The following RUFY2 variants were observed in gnomAD, a reference collection of about 807,000 sequenced individuals.
RUFY2 encodes the protein RUN and FYVE domain-containing protein 2.
In RUFY2, 49 loss-of-function variants were observed where a neutral mutation model predicts 94.4. The observed-to-expected ratio is 0.52, with a 90% CI of 0.41 to 0.66. RUFY2 has a LOEUF of 0.66. Ranked by LOEUF, RUFY2 falls within the 30% of genes least tolerant of loss-of-function variation. The pLI is 0.00. For synonymous variants in RUFY2, 255 were observed against 235.7 expected (o/e 1.08, Z -0.75); for missense variants, 541 against 692.8 (o/e 0.78, Z 2.46).
At chr10:68,360,381 A>T (rs1055519825) in intron 15 of RUFY2, among the ~76,000 whole-genome samples, 2 of 152,082 alleles carry the variant, frequency 1.3e-5, no homozygotes, top group Admixed American at 6.6e-5. Context: ...GGACTCCTTG[A>T]GGCCAGGAGT....
chr10:68,342,801 T>C (rs563399527), downstream of RUFY2: 2 of 152,734 alleles, frequency 1.3e-5, no homozygotes, highest in African/African-American at 4.8e-5. Context: ...GTTAAGGTTC[T>C]CAGTGACACA....
chr10:68,366,509 G>A (rs1027706416), intron 13 of RUFY2, among the ~76,000 whole-genome samples: 4 of 151,028 alleles, frequency 2.6e-5, no homozygotes, highest in East Asian at 1.9e-4. Context: ...TTGGGAGGCC[G>A]AGGCAGGTGG....
intron 16 of RUFY2, among the ~76,000 whole-genome samples, chr10:68,353,375 G>A (rs2046830004): frequency 2.0e-5 from 3 of 150,378 alleles, no homozygotes; most frequent in Admixed American, 6.7e-5. Flanking sequence ...GCAGGTGCCT[G>A]TAATTTCAGC....
intron 13 of RUFY2, among the ~76,000 whole-genome samples, chr10:68,368,425 C>T (rs1015767663): frequency 4.0e-5 from 6 of 151,486 alleles, no homozygotes; most frequent in African/African-American, 1.2e-4. Flanking sequence ...TTTGGGAGGC[C>T]GAGATAGGCG....
chr10:68,389,321 G>A lies in RUFY2; in HGVS notation c.651-3193C>T, dbSNP rs999575843. Among the ~76,000 whole-genome samples, 7 of 152,172 alleles carry A rather than the reference G, an allele frequency of 4.6e-5. No homozygotes were observed. In the East Asian group the frequency reaches 7.7e-4, roughly 17 times the overall value. ...AAGTCTTTTGAACTGGGCCGGCCAC[G>A]GTGGCTCACGCCTGTAATCCCAGCA... On this transcript the variant is annotated intron_variant, in intron 7 of 17. Transcript: ENST00000602465.
Position 68,350,954 on chromosome 10 carries a change from GC to G in RUFY2, c.1599+4398del, listed in dbSNP as rs528049289. On this transcript the variant is annotated intron_variant, in intron 16 of 17. Coordinates refer to ENST00000602465, the MANE Select transcript of RUFY2 (RefSeq NM_001330103.2). ...TCGAACTCCCGACCTCAGGTGATCT[GC>G]CCACCTCGGCCTCCTAAAGTGCTGG... Among the ~76,000 whole-genome samples, 169 of 151,812 alleles carry G rather than the reference GC, an allele frequency of 1.1e-3. 1 individual carries two copies. The highest frequency in any genetic ancestry group is 4.0e-3 in the African/African-American group (164 of 41,402).
intron 3 of RUFY2, 54 bp downstream of exon 3, chr10:68,401,566 G>T: frequency 9.1e-7 from 1 of 1,092,946 alleles, no homozygotes; most frequent in Non-Finnish European, 1.4e-6. Flanking sequence ...TACTTTGGAG[G>T]AACAATGAAT....
intron 13 of RUFY2, among the ~76,000 whole-genome samples, chr10:68,369,712 A>C (rs1185232777): frequency 1.3e-5 from 2 of 152,108 alleles, no homozygotes; most frequent in Non-Finnish European, 2.9e-5. Flanking sequence ...ACTTGAGTCT[A>C]GGAGTTCAAG....
At chr10:68,349,196 T>A (rs2046485586) in intron 16 of RUFY2, among the ~76,000 whole-genome samples, 1 of 152,044 alleles carries the variant, frequency 6.6e-6, no homozygotes, top group African/African-American at 2.4e-5. Context: ...TTGGGGGATA[T>A]CACAACATTT....
chr10:68,391,653 CA>C (rs1230935983), intron 7 of RUFY2, among the ~76,000 whole-genome samples: 2,710 of 28,840 alleles, frequency 0.094, 19 homozygotes, highest in African/African-American at 0.16. Flanking sequence ...GACCCTGTCT[CA>C]AAAAAAAAAA....
chr10:68,398,973 T>C (rs1158062240), intron 3 of RUFY2, among the ~76,000 whole-genome samples: 1 of 152,106 alleles, frequency 6.6e-6, no homozygotes, highest in Non-Finnish European at 1.5e-5. Context: ...TCCTCTTTGT[T>C]AAAAATCTTT....
intron 15 of RUFY2, among the ~76,000 whole-genome samples, chr10:68,358,503 G>C (rs1287528867): frequency 6.6e-6 from 1 of 152,128 alleles, no homozygotes; most frequent in Non-Finnish European, 1.5e-5. Flanking sequence ...TCTACAAAAT[G>C]TGCCTCAGGA....
chr10:68,358,857 G>A (rs1047493468), intron 15 of RUFY2, among the ~76,000 whole-genome samples: 1 of 152,010 alleles, frequency 6.6e-6, no homozygotes, highest in African/African-American at 2.4e-5. Flanking sequence ...GTTGCAGTGA[G>A]CCAAGATCAC....
intron 12 of RUFY2, chr10:68,377,989 G>A: frequency 1.0e-6 from 1 of 985,298 alleles, no homozygotes; most frequent in Non-Finnish European, 1.2e-6. Flanking sequence ...CAGGTGCTGG[G>A]ATTGGACCCA....
chr10:68,341,882 C>T (rs1307808614), downstream of RUFY2: 4 of 1,591,846 alleles, frequency 2.5e-6, no homozygotes, highest in Non-Finnish European at 3.4e-6. Context: ...TTGTGTTAGT[C>T]CGCATATGTA....
At chr10:68,381,526 G>T in intron 10 of RUFY2, 127 bp from the exon 11 acceptor site, 1 of 807,552 alleles carries the variant, frequency 1.2e-6, no homozygotes, top group Non-Finnish European at 1.9e-6. Context: ...GAATCAACCA[G>T]GCCCTATAAC....
intron 10 of RUFY2, 47 bp downstream of exon 10, chr10:68,383,751 A>C: frequency 7.6e-7 from 1 of 1,319,138 alleles, no homozygotes; most frequent in East Asian, 2.3e-5. Context: ...TTGAGGGTAA[A>C]TTACTCCCAG....
chr10:68,405,951 A>G (rs115278262), intron 1 of RUFY2, among the ~76,000 whole-genome samples: 15 of 152,336 alleles, frequency 9.8e-5, no homozygotes, highest in African/African-American at 3.4e-4. Flanking sequence ...TTTTCAATTC[A>G]CAAAAATATT....
At chr10:68,342,002 G>T (rs767809843), downstream of RUFY2, 26 of 1,614,084 alleles carry the variant, frequency 1.6e-5, no homozygotes, top group Admixed American at 4.2e-4. Context: ...GGCAGTGGAG[G>T]TTACTATGGG....
Sources: gnomAD v4.1 joint callset for allele counts (sites outside exome capture counted in the v4.1 genomes callset) on GRCh38, gnomAD v4.1.1 for gene constraint, MANE v1.5 for transcripts, NCBI Gene and HGNC (gene_info 2026-07-23, HGNC 2026-07-21) for gene names.